Variants in PRKAR2A observed in about 807,000 individuals in gnomAD.
The protein encoded by PRKAR2A is protein kinase cAMP-dependent type II regulatory subunit alpha.
In PRKAR2A, 29 loss-of-function variants were observed where a neutral mutation model predicts 51.9. The ratio of observed to expected loss-of-function variants is 0.56; its 90% CI spans 0.42 to 0.76. PRKAR2A has a LOEUF of 0.76. Among genes scored for constraint, PRKAR2A ranks in the 30% least tolerant of loss-of-function variants. The pLI, the probability that PRKAR2A is intolerant of heterozygous loss-of-function variation, is 0.00. For synonymous variants in PRKAR2A, 178 were observed against 186.2 expected, an observed-to-expected ratio of 0.96 and a Z score of 0.36; for missense variants, 445 against 512.1, an observed-to-expected ratio of 0.87 and a Z score of 1.26.
intron 5 of PRKAR2A, among the ~76,000 whole-genome samples, chr3:48,773,644 T>C (rs138797050): frequency 6.6e-6 from 1 of 151,996 alleles, no homozygotes; most frequent in East Asian, 1.9e-4. Context: ...GGCTAGAATT[T>C]TCTACATAGA....
At chr3:48,756,300 A>G in intron 9 of PRKAR2A, 79 bp downstream of exon 9, 1 of 1,273,626 alleles carries the variant, frequency 7.9e-7, no homozygotes, top group Non-Finnish European at 1.1e-6. Context: ...GGTTTGGTGT[A>G]TTCAACACAC....
chr3:48,798,458 C>T (rs772371432), intron 2 of PRKAR2A, among the ~76,000 whole-genome samples: 2 of 151,992 alleles, frequency 1.3e-5, no homozygotes, highest in Non-Finnish European at 2.9e-5. Flanking sequence ...CACCTCTTGT[C>T]CAATGAATAC....
intron 8 of PRKAR2A, among the ~76,000 whole-genome samples, chr3:48,763,404 A>C (rs750562999): frequency 1.3e-5 from 2 of 152,190 alleles, no homozygotes; most frequent in African/African-American, 4.8e-5. Flanking sequence ...AGCACAGACC[A>C]TGAAGAAAAC....
Position 48,751,567 on chromosome 3 carries a change from C to G in PRKAR2A, c.*18G>C, listed in dbSNP as rs1318036695. ...AGGTTTTGGTGTCACACTAAGAAGG[C>G]TCTGGGGTGTGGCACACCTACTGCC... is the stretch of plus-strand genomic sequence containing the variant. On this transcript the variant is annotated 3_prime_UTR_variant, in exon 11 of 11. Coordinates refer to ENST00000265563, the MANE Select transcript of PRKAR2A (RefSeq NM_004157.4). 9 of 1,608,764 alleles carry G rather than the reference C, an allele frequency of 5.6e-6. No homozygotes were observed. Among genetic ancestry groups the G allele is most frequent in the Non-Finnish European group, 7.6e-6 (9 of 1,176,658 alleles).
At chr3:48,765,845 T>G (rs1056197534) in intron 6 of PRKAR2A, among the ~76,000 whole-genome samples, 4 of 152,012 alleles carry the variant, frequency 2.6e-5, no homozygotes, top group African/African-American at 7.2e-5. Flanking sequence ...TAGATTGTTC[T>G]TGCCTAAAAA....
intron 10 of PRKAR2A, 79 bp from the exon 11 acceptor site, chr3:48,751,797 A>G (rs1330236653): frequency 6.6e-7 from 1 of 1,510,664 alleles, no homozygotes; most frequent in Non-Finnish European, 9.0e-7. Flanking sequence ...AAACATACCC[A>G]TTCATGTTGT....
At chr3:48,804,084 T>A (rs964353840) in intron 2 of PRKAR2A, among the ~76,000 whole-genome samples, 1 of 152,182 alleles carries the variant, frequency 6.6e-6, no homozygotes. Context: ...TCTATTTTCC[T>A]CCAATCAGGT....
intron 5 of PRKAR2A, among the ~76,000 whole-genome samples, chr3:48,779,377 C>A (rs1033421462): frequency 2.6e-5 from 4 of 152,084 alleles, no homozygotes; most frequent in Non-Finnish European, 5.9e-5. Flanking sequence ...CAGGTGGATG[C>A]TTATTTCCCA....
chr3:48,808,172 G>A (rs1338183431), intron 1 of PRKAR2A, among the ~76,000 whole-genome samples: 4 of 131,008 alleles, frequency 3.1e-5, no homozygotes, highest in African/African-American at 5.8e-5. Flanking sequence ...CTCAGCCTCC[G>A]GCGTAGCTGG....
Position 48,767,804 on chromosome 3 carries a change from G to C in PRKAR2A, c.697-2455C>G, listed in dbSNP as rs781517703. ...CTGGGCATGGCGGCACGCGCCTGCA[G>C]TCCCAGCTACTAGGGAGGCTGAGAC... On this transcript the variant is annotated intron_variant, in intron 6 of 10. Transcript: ENST00000265563. 5.3e-4 allele frequency among the ~76,000 whole-genome samples: 80 copies of C among 150,726 alleles called. 1 individual carries two copies. Among genetic ancestry groups the C allele is most frequent in the Non-Finnish European group, 8.7e-4 (59 of 67,552 alleles).
intron 1 of PRKAR2A, among the ~76,000 whole-genome samples, chr3:48,837,729 G>C (rs1236339157): frequency 6.7e-6 from 1 of 150,290 alleles, no homozygotes; most frequent in Non-Finnish European, 1.5e-5. Context: ...ATCCAGAAAT[G>C]AATGGTATTT....
At chr3:48,784,665 G>A (rs1224088116) in intron 4 of PRKAR2A, among the ~76,000 whole-genome samples, 1 of 152,162 alleles carries the variant, frequency 6.6e-6, no homozygotes, top group Non-Finnish European at 1.5e-5. Flanking sequence ...CGGAAAGGGA[G>A]CATTTCTAGG....
At chr3:48,839,275 C>A in intron 1 of PRKAR2A, among the ~76,000 whole-genome samples, 1 of 145,022 alleles carries the variant, frequency 6.9e-6, no homozygotes, top group African/African-American at 2.6e-5. Flanking sequence ...ACAACAAGAG[C>A]AAAATTCCGT....
At chr3:48,824,230 A>G (rs1334033825) in intron 1 of PRKAR2A, among the ~76,000 whole-genome samples, 3 of 151,904 alleles carry the variant, frequency 2.0e-5, no homozygotes, top group Non-Finnish European at 4.4e-5. Flanking sequence ...GACAAGAGCA[A>G]AACTCCGTCT....
intron 1 of PRKAR2A, among the ~76,000 whole-genome samples, chr3:48,816,844 T>C (rs1559638712): frequency 6.6e-6 from 1 of 152,102 alleles, no homozygotes; most frequent in African/African-American, 2.4e-5. Context: ...CAAAGTATTA[T>C]GAGGTTCCTT....
At chr3:48,845,572 G>A (rs970574245) in intron 1 of PRKAR2A, among the ~76,000 whole-genome samples, 2 of 152,194 alleles carry the variant, frequency 1.3e-5, no homozygotes, top group African/African-American at 4.8e-5. Context: ...CAATTCTACT[G>A]TTAAATTGAC....
At chr3:48,783,167 A>C in intron 4 of PRKAR2A, 75 bp from the exon 5 acceptor site, 1 of 935,894 alleles carries the variant, frequency 1.1e-6, no homozygotes, top group Non-Finnish European at 1.7e-6. Flanking sequence ...AATTATCTCA[A>C]TTTGTGACTA....
At chr3:48,834,955 A>T (rs1046299393) in intron 1 of PRKAR2A, among the ~76,000 whole-genome samples, 3 of 150,536 alleles carry the variant, frequency 2.0e-5, no homozygotes, top group Non-Finnish European at 4.4e-5. Context: ...TGAGAGACTG[A>T]GGCAGGAGGA....
intron 2 of PRKAR2A, 86 bp downstream of exon 2, chr3:48,807,563 T>G (rs2082692178): frequency 8.0e-6 from 9 of 1,119,450 alleles, no homozygotes; most frequent in Non-Finnish European, 1.2e-5. Flanking sequence ...TGGGAGCTTA[T>G]CTTTTTATTC....
Sources: allele counts gnomAD v4.1 joint callset (sites outside exome capture counted in the v4.1 genomes callset), GRCh38; gene constraint gnomAD v4.1.1; transcripts MANE v1.5; gene names NCBI Gene and HGNC (gene_info 2026-07-23, HGNC 2026-07-21).